ZNF804B: variants seen among roughly 807,000 people sequenced by gnomAD.
ZNF804B encodes the protein zinc finger 804B.
ZNF804B carries 80 observed loss-of-function variants against 101.4 expected under a neutral mutation model. That is an observed-to-expected ratio of 0.79 (90% CI 0.66 to 0.95). ZNF804B has a LOEUF of 0.95. Among genes scored for constraint, ZNF804B ranks in the 40% least tolerant of loss-of-function variants. ZNF804B has a pLI of 0.00. For synonymous variants in ZNF804B, 622 were observed against 558.8 expected, an observed-to-expected ratio of 1.11 and a Z score of -1.59; for missense variants, 1,673 against 1,561.9, an observed-to-expected ratio of 1.07 and a Z score of -1.20.
intron 1 of ZNF804B, among the ~76,000 whole-genome samples, chr7:88,823,712 G>A (rs1791016007): frequency 6.6e-6 from 1 of 152,062 alleles, no homozygotes; most frequent in Non-Finnish European, 1.5e-5. Flanking sequence ...ATCACTAGTT[G>A]GACAAGGACA....
chr7:89,035,129 A>G (rs1347872656), intron 1 of ZNF804B, among the ~76,000 whole-genome samples: 1 of 152,146 alleles, frequency 6.6e-6, no homozygotes, highest in Non-Finnish European at 1.5e-5. Flanking sequence ...GATTTTACCT[A>G]AATTTTCAAT....
chr7:89,283,490 T>C (rs1790130883), intron 2 of ZNF804B, among the ~76,000 whole-genome samples: 2 of 152,192 alleles, frequency 1.3e-5, no homozygotes, highest in Non-Finnish European at 2.9e-5. Context: ...AATGAGCCAC[T>C]GCACTCCAGC....
At chr7:89,278,531 G>A (rs1790026854) in intron 2 of ZNF804B, among the ~76,000 whole-genome samples, 1 of 151,836 alleles carries the variant, frequency 6.6e-6, no homozygotes, top group Non-Finnish European at 1.5e-5. Flanking sequence ...TTTTGTATAA[G>A]GTGTAAGGAA....
chr7:89,051,478 T>C (rs1026252654), intron 1 of ZNF804B, among the ~76,000 whole-genome samples: 20 of 152,292 alleles, frequency 1.3e-4, no homozygotes, highest in South Asian at 1.0e-3. Context: ...TCCTGTTCAT[T>C]TTTACTGGAT....
chr7:88,964,925 C>G lies in ZNF804B; in HGVS notation c.108+204841C>G, dbSNP rs541707464. ...TAAAGAATCTACCCCTATGATTTCCCTAAGTATATATTGTAGTTCAGAGAG... is the reference window on the plus strand; with the variant it reads ...TAAAGAATCTACCCCTATGATTTCCGTAAGTATATATTGTAGTTCAGAGAG... On this transcript the variant is annotated intron_variant, in intron 1 of 3. Transcript: ENST00000333190. Among the ~76,000 whole-genome samples, 141 of 151,376 alleles carry G rather than the reference C, an allele frequency of 9.3e-4. 1 individual carries two copies. The highest frequency in any genetic ancestry group is 1.8e-3 in the Non-Finnish European group (119 of 67,576).
At chr7:89,188,344 A>G (rs1788405373) in intron 1 of ZNF804B, among the ~76,000 whole-genome samples, 1 of 152,016 alleles carries the variant, frequency 6.6e-6, no homozygotes. Context: ...AAGTGTTCTG[A>G]CTGCTTCACT....
chr7:89,146,963 C>T (rs968533599), intron 1 of ZNF804B, among the ~76,000 whole-genome samples: 1 of 151,318 alleles, frequency 6.6e-6, no homozygotes, highest in Non-Finnish European at 1.5e-5. Flanking sequence ...CTGGGAAGTG[C>T]GGGTTGCATG....
chr7:88,807,684 G>A (rs1790713766), intron 1 of ZNF804B, among the ~76,000 whole-genome samples: 1 of 152,054 alleles, frequency 6.6e-6, no homozygotes, highest in Non-Finnish European at 1.5e-5. Context: ...GTTGGTGAGA[G>A]CTATACAATA....
At chr7:88,921,323 A>G (rs1457656603) in intron 1 of ZNF804B, among the ~76,000 whole-genome samples, 1 of 152,116 alleles carries the variant, frequency 6.6e-6, no homozygotes, top group African/African-American at 2.4e-5. Flanking sequence ...TGAGAGACAC[A>G]GGTGAATAGG....
At chr7:89,248,054 A>G (rs1789477886) in intron 2 of ZNF804B, among the ~76,000 whole-genome samples, 1 of 151,910 alleles carries the variant, frequency 6.6e-6, no homozygotes, top group Non-Finnish European at 1.5e-5. Flanking sequence ...CAAAATAAAG[A>G]AAAAAAAAGT....
chr7:89,157,709 G>T (rs983961780), intron 1 of ZNF804B, among the ~76,000 whole-genome samples: 2 of 152,064 alleles, frequency 1.3e-5, no homozygotes, highest in African/African-American at 4.8e-5. Flanking sequence ...ATCTTTTCTA[G>T]TGTCTAGTTC....
At chr7:89,077,871 T>A (rs968905452) in intron 1 of ZNF804B, among the ~76,000 whole-genome samples, 1 of 152,124 alleles carries the variant, frequency 6.6e-6, no homozygotes, top group Non-Finnish European at 1.5e-5. Flanking sequence ...TTAAAAGTAT[T>A]TCCAGAAAAA....
intron 1 of ZNF804B, among the ~76,000 whole-genome samples, chr7:89,154,032 A>G (rs1790917701): frequency 6.9e-6 from 1 of 145,606 alleles, no homozygotes; most frequent in East Asian, 2.0e-4. Flanking sequence ...AAACAAATCC[A>G]TAGGAAAAAA....
rs747219977 is a variant in ZNF804B at position 89,333,399 on chromosome 7, G to C, written c.417G>C (p.Arg139Ser). 11 of 1,611,536 alleles carry C rather than the reference G, an allele frequency of 6.8e-6. No individual in the cohort carries two copies. In the East Asian group the frequency reaches 2.2e-4, roughly 33 times the overall value. ...SGNGPAYKAP[R>S]VAIEKQLQQG... Reference sequence around the variant, plus strand: ...ATGGACCAGCATACAAAGCCCCCAGGGTAGCCATAGAAAAGCAACTCCAGC... The same window carrying C: ...ATGGACCAGCATACAAAGCCCCCAGCGTAGCCATAGAAAAGCAACTCCAGC... Residue 139 changes from arginine (R) to serine (S), a missense_variant, in exon 4 of 4, where the codon AGG (arginine) becomes AGC (serine). Arg to Ser is a moderately radical substitution (Grantham distance 110). Transcript: ENST00000333190.
intron 1 of ZNF804B, among the ~76,000 whole-genome samples, chr7:89,056,872 C>T (rs1330790268): frequency 6.6e-6 from 1 of 152,070 alleles, no homozygotes; most frequent in Non-Finnish European, 1.5e-5. Context: ...CATCGTGTCA[C>T]TGAATGAAGA....
chr7:89,284,353 A>G (rs1235864305), intron 2 of ZNF804B, among the ~76,000 whole-genome samples: 2 of 152,194 alleles, frequency 1.3e-5, no homozygotes, highest in Non-Finnish European at 2.9e-5. Flanking sequence ...TCAGTGCTGT[A>G]CCTTGAGTAA....
chr7:88,805,058 A>G (rs1197353441), intron 1 of ZNF804B, among the ~76,000 whole-genome samples: 1 of 152,164 alleles, frequency 6.6e-6, no homozygotes, highest in African/African-American at 2.4e-5. Flanking sequence ...CTATTCTGAA[A>G]GAAGTTGTAG....
At chr7:88,841,098 C>A (rs992074821) in intron 1 of ZNF804B, among the ~76,000 whole-genome samples, 1 of 152,182 alleles carries the variant, frequency 6.6e-6, no homozygotes, top group Non-Finnish European at 1.5e-5. Context: ...TGTTAACATT[C>A]CTTGTATAGC....
intron 1 of ZNF804B, among the ~76,000 whole-genome samples, chr7:89,078,095 C>T (rs572246888): frequency 1.8e-4 from 28 of 152,148 alleles, no homozygotes; most frequent in African/African-American, 5.1e-4. Context: ...TATCAATTAA[C>T]GTTAAATGTT....
Sources: allele counts gnomAD v4.1 joint callset (sites outside exome capture counted in the v4.1 genomes callset), GRCh38; gene constraint gnomAD v4.1.1; transcripts MANE v1.5; gene names NCBI Gene and HGNC (gene_info 2026-07-23, HGNC 2026-07-21).